The following FBXO3 variants were observed in gnomAD, a reference collection of about 807,000 sequenced individuals.
FBXO3 encodes the protein F-box only protein 3.
A neutral mutation model predicts 64.8 loss-of-function variants in FBXO3; 17 were observed. The observed-to-expected ratio is 0.26, with a 90% CI of 0.18 to 0.39. The LOEUF (loss-of-function observed/expected upper bound fraction) is 0.39. Among genes scored for constraint, FBXO3 ranks in the 10% least tolerant of loss-of-function variants. The pLI, the probability that FBXO3 is intolerant of heterozygous loss-of-function variation, is 1.00. For missense variants in FBXO3, 420 were observed against 589.9 expected, an observed-to-expected ratio of 0.71 and a Z score of 2.98; for synonymous variants, 182 against 201.6, an observed-to-expected ratio of 0.90 and a Z score of 0.82.
chr11:33,770,894 T>A, intron 1 of FBXO3, 64 bp from the exon 2 acceptor site: 1 of 1,278,296 alleles, frequency 7.8e-7, no homozygotes, highest in Non-Finnish European at 1.1e-6. Context: ...AAAATAAAGA[T>A]TAAAATATTC....
At chr11:33,750,516 G>A (rs1311494265) in intron 8 of FBXO3, 23 bp downstream of exon 8, 5 of 1,612,836 alleles carry the variant, frequency 3.1e-6, no homozygotes, top group East Asian at 2.2e-5. Context: ...TAACTGAAAG[G>A]TGACCCCATT....
intron 3 of FBXO3, among the ~76,000 whole-genome samples, chr11:33,764,064 C>CAACAATGTATAT (rs2133616640): frequency 6.6e-6 from 1 of 152,186 alleles, no homozygotes; most frequent in African/African-American, 2.4e-5. Flanking sequence ...ATAGAGACAT[C>CAACAATGTATAT]AACAATGTAT....
At chr11:33,742,188 A>G in intron 10 of FBXO3, 104 bp from the exon 11 acceptor site, 1 of 1,099,030 alleles carries the variant, frequency 9.1e-7, no homozygotes, top group Non-Finnish European at 1.2e-6. Context: ...CAGACACGCC[A>G]AATATGAATT....
intron 10 of FBXO3, chr11:33,744,093 A>C (rs566866306): frequency 6.6e-6 from 1 of 152,360 alleles, no homozygotes; most frequent in South Asian, 2.1e-4. Flanking sequence ...CTTATAAGAC[A>C]TTACATTCTT....
chr11:33,754,381 T>G, intron 6 of FBXO3, 74 bp downstream of exon 6: 1 of 1,333,408 alleles, frequency 7.5e-7, no homozygotes, highest in Admixed American at 2.6e-5. Flanking sequence ...GCTGAAAAAG[T>G]TTTTACCATT....
At chr11:33,744,698 T>A (rs1314477734) in intron 10 of FBXO3, 5 of 152,242 alleles carry the variant, frequency 3.3e-5, no homozygotes, top group Non-Finnish European at 7.3e-5. Flanking sequence ...AGATTTTATA[T>A]GTTTATTTGT....
chr11:33,741,860 A>G lies in FBXO3; in HGVS notation c.*48T>C, dbSNP rs1277301234. The stretch of plus-strand genomic sequence containing the variant: ...AGTTATTTACATTATTGAGAAATCT[A>G]TTTAACAGCCTAGAATCATCCTAGT... On this transcript the variant is annotated 3_prime_UTR_variant, in exon 11 of 11. Transcript: ENST00000265651. 2.0e-6 allele frequency: 3 copies of G among 1,529,066 alleles called. No homozygotes were observed. The highest frequency in any genetic ancestry group is 2.3e-5 in the East Asian group (1 of 43,404). 94.7% of individuals were successfully genotyped at this position (1,529,066 alleles called of 1,614,324 possible).
At chr11:33,767,222 A>AG (rs1305457710) in intron 3 of FBXO3, among the ~76,000 whole-genome samples, 7 of 152,208 alleles carry the variant, frequency 4.6e-5, no homozygotes, top group Admixed American at 1.3e-4. Flanking sequence ...TTAAGATCAT[A>AG]GCCCTGGAGT....
At chr11:33,747,427 G>T in intron 9 of FBXO3, 107 bp from the exon 10 acceptor site, 1 of 862,848 alleles carries the variant, frequency 1.2e-6, no homozygotes, top group Non-Finnish European at 1.8e-6. Flanking sequence ...AATAGTAAAT[G>T]CACAGTTAGA....
intron 10 of FBXO3, chr11:33,744,496 A>C (rs1854765479): frequency 6.6e-6 from 1 of 152,254 alleles, no homozygotes; most frequent in African/African-American, 2.4e-5. Flanking sequence ...GGAAGTGTTA[A>C]GCCTACGAAT....
rs747858868 is a variant in FBXO3 at position 33,741,973 on chromosome 11, C to T, written c.1351G>A (p.Glu451Lys). The T allele has an allele frequency of 6.2e-7, 1 of 1,613,842 alleles. No homozygotes were observed. The highest frequency in any genetic ancestry group is 1.7e-5 in the Admixed American group (1 of 60,018). Residue 451 changes from glutamate (E) to lysine (K), a missense_variant, in exon 11 of 11, where the codon GAG (glutamate) becomes AAG (lysine). Glu to Lys is a moderately conservative substitution (Grantham distance 56). This residue lies in a region of FBXO3 where 57 missense variants were observed against 55.4 expected (regional missense o/e 1.03). Transcript: ENST00000265651. Reference protein sequence around the residue: ...DMDESDEDDEEERRRRVFDVP... With the variant: ...DMDESDEDDEKERRRRVFDVP... ...TCAAAGACTCTCCTCCGTCTCTCCT[C>T]TTCATCATCTTCATCTGATTCATCC... is the stretch of plus-strand genomic sequence containing the variant.
chr11:33,772,621 C>G (rs1476913021), intron 1 of FBXO3: 1 of 152,268 alleles, frequency 6.6e-6, no homozygotes, highest in Non-Finnish European at 1.5e-5. Context: ...ATGGCAGCTC[C>G]TTCCGATTTG....
At position 33,750,637 on chromosome 11, in the gene FBXO3, T is replaced by C. The variant is rs1327389870; in HGVS notation, c.834A>G (p.Val278=). Residue 278 remains valine, a synonymous_variant, in exon 8 of 11, where the codon GTA becomes GTG. Transcript: ENST00000265651. ...ACACAGTAATATCCCCAGTTGTTGC[T>C]ACACATTCTGGATCGTGAACATATC... ...IFRYVHDPEC[V]ATTGDITVSV... is the part of the protein sequence containing the mutation. 50 of 1,613,352 alleles carry C rather than the reference T, an allele frequency of 3.1e-5. No homozygotes were observed. Among genetic ancestry groups the C allele is most frequent in the Non-Finnish European group, 4.2e-5 (49 of 1,179,538 alleles).
At chr11:33,771,396 C>T (rs1434831129) in intron 1 of FBXO3, 1 of 152,208 alleles carries the variant, frequency 6.6e-6, no homozygotes, top group African/African-American at 2.4e-5. Flanking sequence ...ATAGTCATGG[C>T]TACACAAGCT....
chr11:33,768,379 T>C (rs973954200), intron 3 of FBXO3, among the ~76,000 whole-genome samples: 1 of 152,196 alleles, frequency 6.6e-6, no homozygotes. Flanking sequence ...ATAAAAGTTT[T>C]CCTTACTCTA....
At chr11:33,756,461 A>AAT (rs1033924749) in intron 4 of FBXO3, among the ~76,000 whole-genome samples, 26 of 152,266 alleles carry the variant, frequency 1.7e-4, no homozygotes, top group African/African-American at 5.5e-4. Context: ...AATCTCATTA[A>AAT]ATATATATAT....
intron 10 of FBXO3, chr11:33,745,432 C>T (rs1854791327): frequency 6.6e-6 from 1 of 151,600 alleles, no homozygotes; most frequent in Non-Finnish European, 1.5e-5. Flanking sequence ...GATCATTTAC[C>T]AAGATAAACC....
chr11:33,754,511 A>G lies in FBXO3; in HGVS notation c.679-11T>C. 6.4e-7 allele frequency: 1 copy of G among 1,565,888 alleles called. No individual in the cohort carries two copies. Among genetic ancestry groups the G allele is most frequent in the Non-Finnish European group, 8.7e-7 (1 of 1,155,946 alleles). ...TCGAGCCATTTGGTCCTAGGTGAGA[A>G]AAAGAATACAATCGATAAAAACACA... On this transcript the variant is annotated splice_polypyrimidine_tract_variant and intron_variant, in intron 5 of 10. Transcript: ENST00000265651.
chr11:33,766,556 G>T lies in FBXO3; in HGVS notation c.358+2295C>A, dbSNP rs148798930. Among the ~76,000 whole-genome samples, 252 of 152,326 alleles carry T rather than the reference G, an allele frequency of 1.7e-3. 1 individual carries two copies. Among genetic ancestry groups the T allele is most frequent in the Middle Eastern group, 6.8e-3 (2 of 294 alleles). On this transcript the variant is annotated intron_variant, in intron 3 of 10. Transcript: ENST00000265651. ...AGTTTGCCAACCCCTCGTCTAAACA[G>T]TCTCTAAGTTGCCTTCCAACTCTAA...
Sources: gnomAD v4.1 joint callset for allele counts (sites outside exome capture counted in the v4.1 genomes callset) on GRCh38, gnomAD v4.1.1 for gene constraint, gnomAD v4.1.1 regional missense constraint, MANE v1.5 for transcripts, NCBI Gene and HGNC (gene_info 2026-07-23, HGNC 2026-07-21) for gene names.